The following ZNF429 variants were observed in gnomAD, a reference collection of about 807,000 sequenced individuals.
The protein encoded by ZNF429 is zinc finger protein 429.
Under a neutral mutation model 56.8 loss-of-function variants are expected in ZNF429, and 53 were observed. The observed-to-expected ratio is 0.93, with a 90% CI of 0.75 to 1.17. The LOEUF (loss-of-function observed/expected upper bound fraction) is 1.17. ZNF429 is among the 50% of genes most tolerant of loss of function. ZNF429 has a pLI of 0.00. For missense variants in ZNF429, 849 were observed against 788.4 expected (o/e 1.08, Z -0.92); for synonymous variants, 278 against 264.7 (o/e 1.05, Z -0.49).
At chr19:21,527,303 C>T (rs868072112) in intron 1 of ZNF429, among the ~76,000 whole-genome samples, 26 of 152,304 alleles carry the variant, frequency 1.7e-4, no homozygotes, top group Middle Eastern at 6.8e-3. Flanking sequence ...AGGGGCAATG[C>T]TTTGCCAAGT....
At chr19:21,515,189 C>T (rs1234151201) in intron 1 of ZNF429, among the ~76,000 whole-genome samples, 1 of 151,146 alleles carries the variant, frequency 6.6e-6, no homozygotes, top group East Asian at 1.9e-4. Context: ...GATCCCCGTA[C>T]CTTGGCCTCC....
At chr19:21,515,341 A>T (rs887510181) in intron 1 of ZNF429, among the ~76,000 whole-genome samples, 5 of 150,000 alleles carry the variant, frequency 3.3e-5, no homozygotes, top group Admixed American at 1.3e-4. Flanking sequence ...CTGATTAGTG[A>T]TAAGAAAGAA....
intron 1 of ZNF429, among the ~76,000 whole-genome samples, chr19:21,509,717 G>A (rs951815600): frequency 1.3e-5 from 2 of 152,146 alleles, no homozygotes; most frequent in African/African-American, 2.4e-5. Flanking sequence ...GAACTGGGAG[G>A]ATCTTACTGA....
At chr19:21,524,459 C>T (rs974726623) in intron 1 of ZNF429, among the ~76,000 whole-genome samples, 15 of 151,684 alleles carry the variant, frequency 9.9e-5, no homozygotes, top group Admixed American at 2.0e-4. Context: ...ACCTAGGAGG[C>T]GGAGGTTACA....
intron 1 of ZNF429, among the ~76,000 whole-genome samples, chr19:21,528,007 T>G (rs2033230241): frequency 6.6e-6 from 1 of 152,196 alleles, no homozygotes; most frequent in African/African-American, 2.4e-5. Context: ...CTTTTTAAAA[T>G]TCTTATGATA....
chr19:21,528,272 T>C (rs1034087582), intron 1 of ZNF429, among the ~76,000 whole-genome samples: 23 of 152,334 alleles, frequency 1.5e-4, no homozygotes, highest in African/African-American at 5.1e-4. Context: ...ATTGGCTTTA[T>C]GCAGAACAGG....
In ZNF429 at chr19:21,536,355, G is replaced by A. The variant is rs373172333; in HGVS notation, c.302G>A (p.Arg101Lys). The A allele has an allele frequency of 4.8e-5, 77 of 1,613,478 alleles. No homozygotes were observed. The highest frequency in any genetic ancestry group is 6.2e-5 in the Non-Finnish European group (73 of 1,179,824). ...GATTCTTTCCAAAAAGTGACACTGA[G>A]GAGATATGATAAACGTGGACATGAG... ...IKDSFQKVTL[R>K]RYDKRGHENL... The change falls in exon 4 of 4, where the codon AGG becomes AAG. Residue 101 changes from arginine to lysine, a missense_variant. Arg to Lys is a conservative substitution (Grantham distance 26). Coordinates refer to ENST00000358491, the MANE Select transcript of ZNF429 (RefSeq NM_001001415.4).
At position 21,532,989 on chromosome 19, in the gene ZNF429, C is replaced by T; in HGVS notation, c.226+2305C>T. On this transcript the variant is annotated intron_variant, in intron 3 of 3. Coordinates refer to ENST00000358491, the MANE Select transcript of ZNF429 (RefSeq NM_001001415.4). Reference sequence around the variant, plus strand: ...GGATTACAGGCATGATCCACCTTGCCCGGTCCAAATTTTTTTTTTTTTCAT... The same window carrying T: ...GGATTACAGGCATGATCCACCTTGCTCGGTCCAAATTTTTTTTTTTTTCAT... 1.7e-3 allele frequency among the ~76,000 whole-genome samples: 247 copies of T among 148,052 alleles called. 7 individuals are homozygous for T. The East Asian group carries it at 0.044, about 26-fold the overall frequency.
rs762262645 is a variant in ZNF429, at chr19:21,529,690, A to G, written c.36A>G (p.Glu12=). 3.1e-6 allele frequency: 5 copies of G among 1,597,490 alleles called. No homozygotes were observed. Reference sequence around the variant, plus strand: ...TGACATTTACAGATGTGGCCATAGAATTCTCTCTGGAGGAGTGGCAGTGCC... The same window carrying G: ...TGACATTTACAGATGTGGCCATAGAGTTCTCTCTGGAGGAGTGGCAGTGCC... ...GPLTFTDVAI[E]FSLEEWQCLD... Residue 12 remains glutamate, a synonymous_variant, in exon 2 of 4, where the codon GAA becomes GAG. Transcript: ENST00000358491.
chr19:21,535,681 A>AT, intron 3 of ZNF429, among the ~76,000 whole-genome samples: 5 of 151,014 alleles, frequency 3.3e-5, no homozygotes, highest in Admixed American at 2.0e-4. Flanking sequence ...CGCCCAGCTA[A>AT]TTTTTTGTAT....
chr19:21,507,473 C>G (rs2032232822), intron 1 of ZNF429: 1 of 152,164 alleles, frequency 6.6e-6, no homozygotes, highest in Non-Finnish European at 1.5e-5. Context: ...TCTTCTGACA[C>G]TGTATTGTAA....
chr19:21,507,119 G>A (rs2032213374), intron 1 of ZNF429, among the ~76,000 whole-genome samples: 1 of 151,888 alleles, frequency 6.6e-6, no homozygotes, highest in Non-Finnish European at 1.5e-5. Context: ...CACCTCAGTC[G>A]AATTGCCTAC....
chr19:21,505,819 G>C (rs768960157), intron 1 of ZNF429, 45 bp downstream of exon 1: 1 of 1,604,984 alleles, frequency 6.2e-7, no homozygotes, highest in Non-Finnish European at 8.5e-7. Flanking sequence ...GGAGGGGCTG[G>C]TCGGAACCGT....
At chr19:21,508,471 A>G (rs1053463420) in intron 1 of ZNF429, among the ~76,000 whole-genome samples, 1 of 152,154 alleles carries the variant, frequency 6.6e-6, no homozygotes, top group Non-Finnish European at 1.5e-5. Context: ...CTGTTTTCTT[A>G]TCAGCACTGC....
intron 1 of ZNF429, among the ~76,000 whole-genome samples, chr19:21,511,520 G>A (rs551270480): frequency 1.3e-5 from 2 of 152,142 alleles, no homozygotes; most frequent in East Asian, 3.9e-4. Flanking sequence ...AGATGGGATG[G>A]CAGCCGGGAA....
At chr19:21,514,328 T>C (rs892457163) in intron 1 of ZNF429, among the ~76,000 whole-genome samples, 1 of 152,152 alleles carries the variant, frequency 6.6e-6, no homozygotes, top group African/African-American at 2.4e-5. Context: ...CTTATTCTCT[T>C]TGTCCTCCTA....
rs550592380 is a variant in ZNF429, at chr19:21,511,860, C to T, written c.3+6086C>T. ...GAGGCTGAGGCTGGCGGATCACTCA[C>T]GGTTAGGAGCTGGAGACCAGCCCGG... is the stretch of plus-strand genomic sequence containing the variant. On this transcript the variant is annotated intron_variant, in intron 1 of 3. Transcript: ENST00000358491. 2.6e-3 allele frequency among the ~76,000 whole-genome samples: 391 copies of T among 152,228 alleles called. 6 individuals carry two copies. The highest frequency in any genetic ancestry group is 9.0e-3 in the African/African-American group (374 of 41,534).
intron 1 of ZNF429, among the ~76,000 whole-genome samples, chr19:21,512,532 C>T (rs914694086): frequency 2.0e-5 from 3 of 151,718 alleles, no homozygotes; most frequent in African/African-American, 4.8e-5. Flanking sequence ...GGCATGGTGG[C>T]GGGCGCCTGT....
In ZNF429 at chr19:21,505,915, G is replaced by T; in HGVS notation, c.3+141G>T. ...ATTCTCCTTGCCCAGCTCGGCTTCA[G>T]TCCCCTTCAGCCATAAGATGGCGAC... On this transcript the variant is annotated intron_variant, in intron 1 of 3. Transcript: ENST00000358491. 3 of 887,468 alleles carry T rather than the reference G, an allele frequency of 3.4e-6. No homozygotes were observed. In the South Asian group the frequency reaches 4.4e-5, roughly 13 times the overall value. 55.0% of individuals were successfully genotyped at this position (887,468 alleles called of 1,614,324 possible).
Sources: allele counts gnomAD v4.1 joint callset (sites outside exome capture counted in the v4.1 genomes callset), GRCh38; gene constraint gnomAD v4.1.1; transcripts MANE v1.5; gene names NCBI Gene and HGNC (gene_info 2026-07-23, HGNC 2026-07-21).